The following ZNF236 variants were observed in gnomAD, a reference collection of about 807,000 sequenced individuals.
The protein encoded by ZNF236 is zinc finger protein 236.
ZNF236 carries 50 observed loss-of-function variants against 191.2 expected under a neutral mutation model. That is an observed-to-expected ratio of 0.26 (90% CI 0.21 to 0.33). The LOEUF (loss-of-function observed/expected upper bound fraction) is 0.33. Ranked by LOEUF, ZNF236 falls within the 10% of genes least tolerant of loss-of-function variation. The pLI is 1.00. For missense variants in ZNF236, 1,754 were observed against 2,374.5 expected (o/e 0.74, Z 5.43); for synonymous variants, 907 against 928.8 (o/e 0.98, Z 0.43).
intron 1 of ZNF236, among the ~76,000 whole-genome samples, chr18:76,833,259 T>C (rs188316976): frequency 6.6e-6 from 1 of 152,316 alleles, no homozygotes; most frequent in Admixed American, 6.5e-5. Flanking sequence ...ATGCGGTGAA[T>C]AAGGGACATT....
intron 1 of ZNF236, among the ~76,000 whole-genome samples, chr18:76,828,835 T>G (rs1290812818): frequency 2.6e-5 from 4 of 152,058 alleles, no homozygotes; most frequent in Non-Finnish European, 4.4e-5. Context: ...CCCAGCTAAT[T>G]TTTTGTATTT....
rs757705031 is a variant in ZNF236, at chr18:76,937,302, T to C, written c.4741T>C (p.Ser1581Pro). Reference sequence around the variant, plus strand: ...GCTGGCCGATACTCAGGGTATGCTATCTGGAGGCCTGGACACTGTCACACT... The same window carrying C: ...GCTGGCCGATACTCAGGGTATGCTACCTGGAGGCCTGGACACTGTCACACT... ...LTLADTQGML[S>P]GGLDTVTLNI... Residue 1581 changes from serine (S) to proline (P), a missense_variant, in exon 26 of 31, where the codon TCT becomes CCT. This residue lies in a region of ZNF236 where 606 missense variants were observed against 761.5 expected (regional missense o/e 0.80). Transcript: ENST00000320610. The C allele has an allele frequency of 1.4e-5, 23 of 1,614,018 alleles. No homozygotes were observed. Among genetic ancestry groups the C allele is most frequent in the Non-Finnish European group, 1.9e-5 (23 of 1,179,970 alleles).
Position 76,868,839 on chromosome 18 carries a change from A to G in ZNF236, c.518A>G (p.His173Arg), listed in dbSNP as rs757782090. Residue 173 changes from histidine to arginine, a missense_variant, in exon 4 of 31, where the codon CAC becomes CGC. By Grantham distance (29) the His-to-Arg change is conservative (BLOSUM62 0). This residue lies in a region of ZNF236 where 336 missense variants were observed against 495.1 expected (regional missense o/e 0.68). Transcript: ENST00000320610. Reference sequence around the variant, plus strand: ...GAGACCTCCTCGGAGCTGAAGGAACACATGAAGACTCATTACAAAATTAGG... The same window carrying G: ...GAGACCTCCTCGGAGCTGAAGGAACGCATGAAGACTCATTACAAAATTAGG... ...EFETSSELKE[H>R]MKTHYKIRVS... The G allele has an allele frequency of 1.9e-6, 3 of 1,608,622 alleles. No individual in the cohort carries two copies. The highest frequency in any genetic ancestry group is 1.3e-5 in the African/African-American group (1 of 74,768).
At chr18:76,957,919 A>G (rs1012607082) in intron 28 of ZNF236, among the ~76,000 whole-genome samples, 2 of 152,252 alleles carry the variant, frequency 1.3e-5, no homozygotes, top group African/African-American at 4.8e-5. Context: ...ACACAAGCCA[A>G]AGTTGATAAA....
At chr18:76,950,061 C>T (rs1416107681) in intron 27 of ZNF236, among the ~76,000 whole-genome samples, 1 of 152,028 alleles carries the variant, frequency 6.6e-6, no homozygotes, top group African/African-American at 2.4e-5. Context: ...AATCTTTTTG[C>T]TGGTTGAGGG....
At chr18:76,836,413 C>G in intron 1 of ZNF236, among the ~76,000 whole-genome samples, 1 of 151,744 alleles carries the variant, frequency 6.6e-6, no homozygotes, top group Non-Finnish European at 1.5e-5. Context: ...TTTTTAAAGA[C>G]AGGATCTTGC....
Position 76,875,377 on chromosome 18 carries a change from G to A in ZNF236, c.668-115G>A. 1 of 1,006,084 alleles carries A rather than the reference G, an allele frequency of 9.9e-7. No homozygotes were observed. Among genetic ancestry groups the A allele is most frequent in the African/African-American group, 1.7e-5 (1 of 60,598 alleles). 62.3% of individuals were successfully genotyped at this position (1,006,084 alleles called of 1,614,324 possible). A position where few individuals can be genotyped will look rare whatever the true frequency, so the allele number is the denominator to read the frequency against. On this transcript the variant is annotated intron_variant, in intron 5 of 30. Transcript: ENST00000320610. This position sits in a 1 kb window ranked among gnomAD's most constrained non-coding sequence, Gnocchi z 4.3. ...TTGTATATATGCATCTAGAGTTCTG[G>A]GGAGACATTTTGGCTGGAGGGATAG...
At chr18:76,843,689 T>C (rs1353067398) in intron 1 of ZNF236, among the ~76,000 whole-genome samples, 1 of 139,186 alleles carries the variant, frequency 7.2e-6, no homozygotes, top group Non-Finnish European at 1.5e-5. Context: ...GGCAGGAGAA[T>C]CACTTGAACC....
chr18:76,856,286 G>A (rs1275774206), intron 3 of ZNF236, among the ~76,000 whole-genome samples: 2 of 151,938 alleles, frequency 1.3e-5, no homozygotes, highest in Non-Finnish European at 2.9e-5. Flanking sequence ...GAGTTCAAGC[G>A]ATTCTCCTGC....
chr18:76,957,035 G>A (rs1317187975), intron 28 of ZNF236, among the ~76,000 whole-genome samples: 1 of 152,230 alleles, frequency 6.6e-6, no homozygotes, highest in African/African-American at 2.4e-5. Flanking sequence ...GGGATAGCCT[G>A]CGAAATTTCT....
In ZNF236 at chr18:76,960,704, T is replaced by G; in HGVS notation, c.5268T>G (p.Leu1756=). The change falls in exon 30 of 31, where the codon CTT becomes CTG. Residue 1756 remains leucine, a synonymous_variant. Transcript: ENST00000320610. This position sits in a 1 kb window ranked among gnomAD's most constrained non-coding sequence, Gnocchi z 4.4. ...GGGAGCGGCCGTTCCATTGCACGCT[T>G]TGTGAGAAAGCCTTCAACCAGAAGA... ...HTGERPFHCT[L]CEKAFNQKSA... 6.2e-7 allele frequency: 1 copy of G among 1,614,068 alleles called. No individual in the cohort carries two copies. Among genetic ancestry groups the G allele is most frequent in the Non-Finnish European group, 8.5e-7 (1 of 1,180,006 alleles).
chr18:76,893,314 A>G (rs868646108), intron 9 of ZNF236, among the ~76,000 whole-genome samples: 8 of 152,212 alleles, frequency 5.3e-5, no homozygotes, highest in Middle Eastern at 6.8e-3. Flanking sequence ...GTTAATTTTA[A>G]GCAGTCTTAA....
At chr18:76,929,940 A>G (rs12962857) in intron 25 of ZNF236, among the ~76,000 whole-genome samples, 36,952 of 152,178 alleles carry the variant, frequency 0.24, 5,348 homozygotes, top group East Asian at 0.33. Flanking sequence ...AGTTTTGCAG[A>G]CTTTAGGCAG....
At chr18:76,887,198 C>T (rs1371281584) in intron 9 of ZNF236, 1 of 151,970 alleles carries the variant, frequency 6.6e-6, no homozygotes, top group East Asian at 1.9e-4. Context: ...CATGGTGAAA[C>T]CTGTCTCTAC....
At chr18:76,862,672 A>T (rs1976276705) in intron 3 of ZNF236, among the ~76,000 whole-genome samples, 1 of 152,216 alleles carries the variant, frequency 6.6e-6, no homozygotes, top group Non-Finnish European at 1.5e-5. Flanking sequence ...GTGATGAGAC[A>T]GAACCATGCA....
At chr18:76,863,980 C>G (rs778983141) in intron 3 of ZNF236, among the ~76,000 whole-genome samples, 2 of 152,092 alleles carry the variant, frequency 1.3e-5, no homozygotes, top group Non-Finnish European at 2.9e-5. Context: ...ATTGAGTAAG[C>G]AGATTGCCCT....
At chr18:76,900,845 G>A (rs1001490223) in intron 11 of ZNF236, among the ~76,000 whole-genome samples, 1 of 152,196 alleles carries the variant, frequency 6.6e-6, no homozygotes, top group African/African-American at 2.4e-5. Flanking sequence ...TGGTTTTGCA[G>A]AAGACAGTTT....
At chr18:76,917,794 T>G (rs992424986) in intron 19 of ZNF236, among the ~76,000 whole-genome samples, 5 of 152,212 alleles carry the variant, frequency 3.3e-5, no homozygotes, top group African/African-American at 1.2e-4. Context: ...GGGGCCGCTA[T>G]CTATAAGCTG....
rs1479178695 is a variant in ZNF236 at position 76,910,102 on chromosome 18, G to A, written c.2586G>A (p.Gly862=). Residue 862 remains glycine (G), a synonymous_variant, in exon 15 of 31, where the codon GGG becomes GGA. Transcript: ENST00000320610. ...GFVAPQDPLR[G]HVDQFEEQSP... ...TGGCTCCACAGGACCCTCTGCGAGG[G>A]CACGTAGACCAGTTTGAAGAGCAGA... 1.2e-6 allele frequency: 2 copies of A among 1,613,286 alleles called. No individual in the cohort carries two copies. The highest frequency in any genetic ancestry group is 1.1e-5 in the South Asian group (1 of 91,050).
Sources: allele counts gnomAD v4.1 joint callset (sites outside exome capture counted in the v4.1 genomes callset), GRCh38; gene constraint gnomAD v4.1.1; regional missense constraint gnomAD v4.1.1; non-coding constraint Gnocchi (gnomAD v3.1); transcripts MANE v1.5; gene names NCBI Gene and HGNC (gene_info 2026-07-23, HGNC 2026-07-21).